Variants in HAO1 observed in about 807,000 individuals in gnomAD.
HAO1 encodes hydroxyacid oxidase 1, also known as 2-Hydroxyacid oxidase 1.
In HAO1, 34 loss-of-function variants were observed where a neutral mutation model predicts 39.7. The ratio of observed to expected loss-of-function variants is 0.86; its 90% confidence interval spans 0.65 to 1.14. HAO1 has a LOEUF of 1.14. HAO1 is among the 50% of genes most tolerant of loss of function. The probability of loss-of-function intolerance (pLI) is 0.00; values close to 1 mark genes in which losing one functional copy is unlikely to be tolerated. For missense variants in HAO1, 479 were observed against 464.5 expected, an observed-to-expected ratio of 1.03 and a Z score of -0.29; for synonymous variants, 172 against 173.2, an observed-to-expected ratio of 0.99 and a Z score of 0.05.
intron 7 of HAO1, 45 bp from the exon 8 acceptor site, chr20:7,883,708 T>C (rs528516262): frequency 7.7e-7 from 1 of 1,298,716 alleles, no homozygotes; most frequent in East Asian, 2.3e-5. Context: ...AATGCAATAA[T>C]AATCAGGCAG....
chr20:7,895,274 G>T, intron 4 of HAO1, 50 bp from the exon 5 acceptor site: 2 of 1,264,898 alleles, frequency 1.6e-6, no homozygotes, highest in Non-Finnish European at 2.3e-6. Flanking sequence ...TTAACAGGCA[G>T]CTTGGGTTTA....
At chr20:7,903,856 AGCG>A (rs1348395758) in intron 4 of HAO1, among the ~76,000 whole-genome samples, 534 of 10,372 alleles carry the variant, frequency 0.051, 1 homozygote, top group Admixed American at 0.14. Context: ...AGATTGTGGT[AGCG>A]GTGGTGGTGG....
intron 1 of HAO1, among the ~76,000 whole-genome samples, chr20:7,936,104 G>A (rs982843859): frequency 5.9e-5 from 9 of 152,082 alleles, no homozygotes; most frequent in Non-Finnish European, 2.9e-5. Flanking sequence ...AATAGCTAAG[G>A]GTCTGTAATC....
At chr20:7,928,672 C>G (rs1028973580) in intron 2 of HAO1, among the ~76,000 whole-genome samples, 1 of 152,002 alleles carries the variant, frequency 6.6e-6, no homozygotes, top group Non-Finnish European at 1.5e-5. Context: ...TCAAGTAGCT[C>G]ACTTTATCAA....
At chr20:7,903,650 A>AGCAGTGGTGGTGGTG (rs1322180843) in intron 4 of HAO1, among the ~76,000 whole-genome samples, 8 of 147,198 alleles carry the variant, frequency 5.4e-5, no homozygotes, top group Non-Finnish European at 9.0e-5. Context: ...TGGTGATGAT[A>AGCAGTGGTGGTGGTG]GCAGTGGTGG....
chr20:7,898,894 G>T (rs560373099), intron 4 of HAO1, among the ~76,000 whole-genome samples: 7 of 151,308 alleles, frequency 4.6e-5, no homozygotes, highest in Admixed American at 2.0e-4. Context: ...AATTGGTGTG[G>T]TTTGCCTGGT....
rs114485201 is a variant in HAO1 at position 7,905,481 on chromosome 20, C to T, written c.721+673G>A. Among the ~76,000 whole-genome samples the T allele has an allele frequency of 7.6e-3, 1,150 of 152,222 alleles. 12 individuals are homozygous for T. The highest frequency in any genetic ancestry group is 0.026 in the African/African-American group (1,081 of 41,530). On this transcript the variant is annotated intron_variant, in intron 4 of 7. Coordinates refer to ENST00000378789, the MANE Select transcript of HAO1 (RefSeq NM_017545.3). ...AAGTTTTTGGCAGTTATCTATATAA[C>T]CAAAGGTTATATACCACAAAGGTTT...
intron 3 of HAO1, among the ~76,000 whole-genome samples, chr20:7,909,455 G>T (rs1404157311): frequency 1.4e-5 from 2 of 146,168 alleles, no homozygotes; most frequent in African/African-American, 2.5e-5. Flanking sequence ...AAGAAAAAAA[G>T]GGGTGAGATC....
intron 1 of HAO1, among the ~76,000 whole-genome samples, chr20:7,935,777 T>C (rs1400938489): frequency 6.6e-6 from 1 of 152,214 alleles, no homozygotes; most frequent in Non-Finnish European, 1.5e-5. Flanking sequence ...TGGCAAAATA[T>C]ATCTCTCCTA....
At chr20:7,936,280 C>T (rs2050409583) in intron 1 of HAO1, among the ~76,000 whole-genome samples, 1 of 152,160 alleles carries the variant, frequency 6.6e-6, no homozygotes, top group South Asian at 2.1e-4. Context: ...TTGACGGACC[C>T]TCACAGCATG....
intron 2 of HAO1, among the ~76,000 whole-genome samples, chr20:7,929,059 T>TTTTGTTTG (rs10543894): frequency 3.2e-4 from 48 of 150,818 alleles, no homozygotes; most frequent in Admixed American, 8.6e-4. Context: ...TTGCACTGTT[T>TTTTGTTTG]TTTGTTTGTT....
At position 7,895,219 on chromosome 20, in the gene HAO1, C is replaced by A; in HGVS notation, c.727G>T (p.Asp243Tyr). 2 of 1,604,316 alleles carry A rather than the reference C, an allele frequency of 1.2e-6. No homozygotes were observed. Among genetic ancestry groups the A allele is most frequent in the South Asian group, 2.2e-5 (2 of 90,870 alleles). The stretch of plus-strand genomic sequence containing the variant: ...CCATGTTTAACAGCCTCCCTGGCAT[C>A]ATCACCTGGAGAGAGTAAAACAAGC... ...IVAKGILRGD[D>Y]AREAVKHGLN... The change falls in exon 5 of 8, where the codon GAT becomes TAT. Residue 243 changes from aspartate to tyrosine, a missense_variant. Physicochemically the swap from Asp to Tyr is radical, Grantham distance 160 (BLOSUM62 -3). Coordinates refer to ENST00000378789, the MANE Select transcript of HAO1 (RefSeq NM_017545.3).
At chr20:7,918,155 A>T (rs2122781625) in intron 2 of HAO1, among the ~76,000 whole-genome samples, 1 of 152,362 alleles carries the variant, frequency 6.6e-6, no homozygotes, top group South Asian at 2.1e-4. Flanking sequence ...CTAAAATACT[A>T]GTCCTAGGAG....
At chr20:7,923,826 GAC>G (rs1442241738) in intron 2 of HAO1, among the ~76,000 whole-genome samples, 1 of 152,126 alleles carries the variant, frequency 6.6e-6, no homozygotes, top group Non-Finnish European at 1.5e-5. Context: ...ATGTTCCAAG[GAC>G]CATACTTTGA....
chr20:7,907,586 A>G (rs1169152508), intron 3 of HAO1, among the ~76,000 whole-genome samples: 1 of 152,148 alleles, frequency 6.6e-6, no homozygotes, highest in Non-Finnish European at 1.5e-5. Flanking sequence ...GCCTGCTTCT[A>G]GGAGAACCCA....
chr20:7,903,290 CTTTTT>C (rs36037568), intron 4 of HAO1, among the ~76,000 whole-genome samples: 3 of 144,576 alleles, frequency 2.1e-5, no homozygotes, highest in Non-Finnish European at 4.6e-5. Flanking sequence ...CTCTCCTTAT[CTTTTT>C]TTTTTTTTTT....
intron 2 of HAO1, among the ~76,000 whole-genome samples, chr20:7,930,404 T>C (rs181825107): frequency 5.5e-4 from 84 of 152,288 alleles, no homozygotes; most frequent in Non-Finnish European, 6.9e-4. Context: ...TATAAATAAA[T>C]CTCTGCCAAG....
intron 2 of HAO1, among the ~76,000 whole-genome samples, chr20:7,914,696 A>G (rs2050298262): frequency 6.6e-6 from 1 of 152,240 alleles, no homozygotes; most frequent in Admixed American, 6.5e-5. Context: ...TTCCTGAAGA[A>G]CAAAATAAAT....
intron 3 of HAO1, among the ~76,000 whole-genome samples, chr20:7,911,627 A>G (rs931647950): frequency 2.6e-5 from 4 of 152,098 alleles, no homozygotes; most frequent in African/African-American, 9.7e-5. Flanking sequence ...TGTTTTGCAT[A>G]TGGACCAAGC....
Sources: allele counts gnomAD v4.1 joint callset (sites outside exome capture counted in the v4.1 genomes callset), GRCh38; gene constraint gnomAD v4.1.1; transcripts MANE v1.5; gene names NCBI Gene and HGNC (gene_info 2026-07-23, HGNC 2026-07-21).